The following DRC3 variants were observed in gnomAD, a reference collection of about 807,000 sequenced individuals.
The protein encoded by DRC3 is dynein regulatory complex subunit 3.
In DRC3, 45 loss-of-function variants were observed where a neutral mutation model predicts 57.6. That is an observed-to-expected ratio of 0.78 (90% CI 0.62 to 1.00). The LOEUF is 1.00. DRC3 is among the 50% of genes least tolerant of loss of function. The pLI is 0.00. For missense variants in DRC3, 655 were observed against 675.2 expected, an observed-to-expected ratio of 0.97 and a Z score of 0.33; for synonymous variants, 257 against 272.3, an observed-to-expected ratio of 0.94 and a Z score of 0.55.
intron 3 of DRC3, among the ~76,000 whole-genome samples, chr17:17,980,307 A>C (rs1178441023): frequency 6.8e-6 from 1 of 146,896 alleles, no homozygotes; most frequent in Non-Finnish European, 1.5e-5. Context: ...GTAGAGACGG[A>C]GTCTCGCTCT....
At chr17:17,985,828 G>A (rs777971143) in intron 4 of DRC3, among the ~76,000 whole-genome samples, 14 of 152,162 alleles carry the variant, frequency 9.2e-5, no homozygotes, top group Non-Finnish European at 1.8e-4. Flanking sequence ...AAGGAAGTGT[G>A]CAGGCCTGGC....
chr17:17,990,900 A>G (rs2043195612), intron 5 of DRC3, among the ~76,000 whole-genome samples: 1 of 152,196 alleles, frequency 6.6e-6, no homozygotes, highest in Non-Finnish European at 1.5e-5. Flanking sequence ...CTGAGACAGA[A>G]GAATCGCTTG....
intron 8 of DRC3, among the ~76,000 whole-genome samples, chr17:17,996,346 A>G (rs1021615940): frequency 2.0e-5 from 3 of 152,252 alleles, no homozygotes; most frequent in African/African-American, 7.2e-5. Flanking sequence ...TTACAGTTCT[A>G]CATGGCTGGG....
At chr17:18,009,881 C>T (rs961529739) in intron 12 of DRC3, among the ~76,000 whole-genome samples, 3 of 152,208 alleles carry the variant, frequency 2.0e-5, no homozygotes, top group African/African-American at 7.2e-5. Context: ...TTTTCAAGTC[C>T]TTCCAGCTTT....
chr17:17,999,337 C>T (rs895372269), intron 9 of DRC3, among the ~76,000 whole-genome samples: 1 of 152,144 alleles, frequency 6.6e-6, no homozygotes, highest in Non-Finnish European at 1.5e-5. Context: ...GTCCCTGGGC[C>T]CTGGAAATGT....
At chr17:17,981,041 T>A (rs1046236270) in intron 3 of DRC3, among the ~76,000 whole-genome samples, 1 of 152,346 alleles carries the variant, frequency 6.6e-6, no homozygotes, top group Non-Finnish European at 1.5e-5. Flanking sequence ...CAGCGCTGCC[T>A]CTCCACGCTC....
At chr17:18,012,355 C>A (rs1377594035) in intron 12 of DRC3, among the ~76,000 whole-genome samples, 1 of 152,076 alleles carries the variant, frequency 6.6e-6, no homozygotes, top group Non-Finnish European at 1.5e-5. Flanking sequence ...ATACAAAAAT[C>A]AACTAAAAAT....
At chr17:17,995,247 T>A in intron 8 of DRC3, 136 bp downstream of exon 8, 1 of 635,258 alleles carries the variant, frequency 1.6e-6, no homozygotes, top group East Asian at 2.8e-5. Flanking sequence ...TTGAGAGCAA[T>A]GTACCCAACA....
At chr17:18,006,749 G>T in intron 11 of DRC3, 1 of 433,540 alleles carries the variant, frequency 2.3e-6, no homozygotes, top group Non-Finnish European at 4.3e-6. Flanking sequence ...GGTGCCAAAT[G>T]CACAGGGTGA....
chr17:18,016,597 AAGG>A lies in DRC3; in HGVS notation c.1501_1503del (p.Glu501del). ...GATCATGAGGAACCGCAAGCGCGTG[AAGG>A]AGATCAATCAGTACATCGACCACAT... On this transcript the variant is annotated inframe_deletion, in exon 14 of 14. Transcript: ENST00000399187. 1.9e-6 allele frequency: 3 copies of A among 1,613,924 alleles called. No homozygotes were observed. Among genetic ancestry groups the A allele is most frequent in the East Asian group, 2.2e-5 (1 of 44,872 alleles).
chr17:18,007,074 A>C lies in DRC3; in HGVS notation c.1253A>C (p.Glu418Ala), dbSNP rs1568535184. The C allele has an allele frequency of 7.1e-7, 1 of 1,406,300 alleles. No individual in the cohort carries two copies. Among genetic ancestry groups the C allele is most frequent in the Non-Finnish European group, 9.4e-7 (1 of 1,064,480 alleles). The allele number at this position is 1,406,300 out of a possible 1,614,324, so 87.1% of individuals were successfully genotyped here. ...AATCACCACCACGAGAAGCTCCTGG[A>C]GATCTCTATCAGCACCCTGGAGAAG... is the stretch of plus-strand genomic sequence containing the variant. Reference protein sequence around the residue: ...LENHHHEKLLEISISTLEKIV... With the variant: ...LENHHHEKLLAISISTLEKIV... The change falls in exon 12 of 14, where the codon GAG (glutamate) becomes GCG (alanine). Residue 418 changes from glutamate (E) to alanine (A), a missense_variant. Glu to Ala is a moderately radical substitution (Grantham distance 107). Transcript: ENST00000399187.
At chr17:17,975,567 A>T (rs1024930536) in intron 2 of DRC3, among the ~76,000 whole-genome samples, 1 of 149,666 alleles carries the variant, frequency 6.7e-6, no homozygotes, top group African/African-American at 2.5e-5. Flanking sequence ...TCAGCCAAAT[A>T]TAACACATTA....
intron 12 of DRC3, chr17:18,007,748 A>T (rs1414424856): frequency 6.0e-6 from 7 of 1,170,614 alleles, no homozygotes; most frequent in Non-Finnish European, 6.4e-6. Flanking sequence ...AAGGGCCCAG[A>T]CAGAGATACT....
intron 5 of DRC3, 82 bp downstream of exon 5, chr17:17,988,180 G>C: frequency 7.2e-7 from 1 of 1,387,998 alleles, no homozygotes; most frequent in Non-Finnish European, 9.8e-7. Context: ...TGTGGCTAGG[G>C]GAAGTACAGG....
At chr17:18,013,723 C>T (rs1211463085) in intron 12 of DRC3, among the ~76,000 whole-genome samples, 1 of 152,108 alleles carries the variant, frequency 6.6e-6, no homozygotes, top group Non-Finnish European at 1.5e-5. Flanking sequence ...TTCTAGTGTT[C>T]TATACCACTA....
rs758179461 is a variant in DRC3 at position 17,983,836 on chromosome 17, C to T, written c.169C>T (p.Arg57Cys). 11 of 1,611,448 alleles carry T rather than the reference C, an allele frequency of 6.8e-6. No homozygotes were observed. Among genetic ancestry groups the T allele is most frequent in the East Asian group, 2.2e-5 (1 of 44,862 alleles). Residue 57 changes from arginine to cysteine, a missense_variant, in exon 4 of 14, where the codon CGC becomes TGC. Physicochemically the swap from Arg to Cys is radical, Grantham distance 180 (BLOSUM62 -3). Coordinates refer to ENST00000399187, the MANE Select transcript of DRC3 (RefSeq NM_031294.4). Reference sequence around the variant, plus strand: ...ACCTTCCATTATTTCAGACATCCTCCGCATAGACAACCTCTGGCAGTTTGA... The same window carrying T: ...ACCTTCCATTATTTCAGACATCCTCTGCATAGACAACCTCTGGCAGTTTGA... ...SLQLDFRNIL[R>C]IDNLWQFENL...
intron 10 of DRC3, 108 bp from the exon 11 acceptor site, chr17:18,006,075 C>G: frequency 1.3e-6 from 1 of 760,264 alleles, no homozygotes; most frequent in Admixed American, 2.0e-5. Flanking sequence ...GGTCTTTATG[C>G]TGAAGGTCTG....
chr17:18,000,763 C>CT (rs2043696161), intron 9 of DRC3, among the ~76,000 whole-genome samples: 1 of 152,164 alleles, frequency 6.6e-6, no homozygotes, highest in South Asian at 2.1e-4. Context: ...TTTATTTTCT[C>CT]TTAAGTGGGG....
chr17:18,016,599 G>A lies in DRC3; in HGVS notation c.1500G>A (p.Lys500=). Residue 500 remains lysine (K), a synonymous_variant, in exon 14 of 14, where the codon AAG becomes AAA. Coordinates refer to ENST00000399187, the MANE Select transcript of DRC3 (RefSeq NM_031294.4). ...DEIMRNRKRV[K]EINQYIDHMQ... ...TCATGAGGAACCGCAAGCGCGTGAAGGAGATCAATCAGTACATCGACCACA... is the reference window on the plus strand; with the variant it reads ...TCATGAGGAACCGCAAGCGCGTGAAAGAGATCAATCAGTACATCGACCACA... 6.2e-7 allele frequency: 1 copy of A among 1,613,918 alleles called. No homozygotes were observed. Among genetic ancestry groups the A allele is most frequent in the South Asian group, 1.1e-5 (1 of 91,052 alleles).
Sources: gnomAD v4.1 joint callset for allele counts (sites outside exome capture counted in the v4.1 genomes callset) on GRCh38, gnomAD v4.1.1 for gene constraint, MANE v1.5 for transcripts, NCBI Gene and HGNC (gene_info 2026-07-23, HGNC 2026-07-21) for gene names.